The following KLHL13 variants were observed in gnomAD, a reference collection of about 807,000 sequenced individuals.
KLHL13 encodes kelch-like protein 13.
KLHL13 carries 10 observed loss-of-function variants against 37.1 expected under a neutral mutation model. The ratio of observed to expected loss-of-function variants is 0.27; its 90% CI spans 0.17 to 0.46. KLHL13 has a LOEUF of 0.46. KLHL13 is among the 20% of genes least tolerant of loss of function. The pLI, the probability that KLHL13 is intolerant of heterozygous loss-of-function variation, is 1.00. For missense variants in KLHL13, 360 were observed against 509.3 expected, an observed-to-expected ratio of 0.71 and a Z score of 2.82; for synonymous variants, 163 against 181.2, an observed-to-expected ratio of 0.90 and a Z score of 0.81.
chrX:118,087,789 G>T (rs1366664062), intron 1 of KLHL13, among the ~76,000 whole-genome samples: 1 of 111,411 alleles, frequency 9.0e-6, no homozygotes, highest in African/African-American at 3.3e-5. Context: ...TTCTAGGTCT[G>T]ATTCTTCCCT....
At chrX:118,004,664 A>G (rs949454184) in intron 1 of KLHL13, among the ~76,000 whole-genome samples, 3 of 112,477 alleles carry the variant, frequency 2.7e-5, no homozygotes, top group African/African-American at 9.7e-5. Flanking sequence ...TGAAAGTCTG[A>G]TAAGGGATAA....
chrX:118,081,047 G>T (rs758936285), intron 1 of KLHL13, among the ~76,000 whole-genome samples: 2 of 111,470 alleles, frequency 1.8e-5, no homozygotes, highest in South Asian at 7.6e-4. Flanking sequence ...ACTTAGAAGT[G>T]GGAGCTAAAC....
chrX:118,057,856 T>C (rs1222333426), intron 1 of KLHL13, among the ~76,000 whole-genome samples: 1 of 109,010 alleles, frequency 9.2e-6, no homozygotes, highest in Non-Finnish European at 1.9e-5. Flanking sequence ...TCCTACAGAA[T>C]AGGAGAAAAT....
chrX:118,009,234 T>G (rs2054026919), intron 1 of KLHL13, among the ~76,000 whole-genome samples: 1 of 96,067 alleles, frequency 1.0e-5, no homozygotes, highest in Non-Finnish European at 2.1e-5. Context: ...TCTTTTGCTG[T>G]GCAGAAGCTC....
At chrX:118,061,592 T>C (rs1424952781) in intron 1 of KLHL13, among the ~76,000 whole-genome samples, 1 of 112,009 alleles carries the variant, frequency 8.9e-6, no homozygotes, top group Non-Finnish European at 1.9e-5. Flanking sequence ...CTAAATTATA[T>C]ATCCACTCTA....
In KLHL13 at chrX:117,969,741, G is replaced by A. The variant is rs181621611; in HGVS notation, c.98+2990C>T. Among the ~76,000 whole-genome samples the A allele has an allele frequency of 1.5e-3, 163 of 111,636 alleles. 1 individual carries two copies. Among genetic ancestry groups the A allele is most frequent in the African/African-American group, 5.1e-3 (156 of 30,827 alleles). On this transcript the variant is annotated intron_variant, in intron 1 of 6. Coordinates refer to ENST00000262820, the Ensembl canonical transcript of KLHL13. ...GAAGTATTATTTTCCTGAATCTTTCGTATTTAAGATATCCCACTTTTCTAG... is the reference window on the plus strand; with the variant it reads ...GAAGTATTATTTTCCTGAATCTTTCATATTTAAGATATCCCACTTTTCTAG...
At chrX:118,018,339 T>A (rs2054152184) in intron 1 of KLHL13, among the ~76,000 whole-genome samples, 1 of 111,910 alleles carries the variant, frequency 8.9e-6, no homozygotes, top group Non-Finnish European at 1.9e-5. Context: ...AACTCATCAC[T>A]TTTCATCATG....
intron 1 of KLHL13, among the ~76,000 whole-genome samples, chrX:118,103,189 T>G (rs2055309205): frequency 8.9e-6 from 1 of 111,810 alleles, no homozygotes; most frequent in Non-Finnish European, 1.9e-5. Context: ...ATGTCAACTG[T>G]TGAGCTTAGT....
intron 1 of KLHL13, among the ~76,000 whole-genome samples, chrX:118,073,671 T>G (rs2054897591): frequency 8.9e-6 from 1 of 112,267 alleles, no homozygotes; most frequent in Non-Finnish European, 1.9e-5. Context: ...GGAATAATTT[T>G]GAAAGTTGTG....
At chrX:118,090,145 G>C (rs1253835582) in intron 1 of KLHL13, among the ~76,000 whole-genome samples, 1 of 108,549 alleles carries the variant, frequency 9.2e-6, no homozygotes, top group East Asian at 2.9e-4. Flanking sequence ...ATTCAAGATG[G>C]ATTAAAGACT....
intron 1 of KLHL13, chrX:117,972,596 A>C: frequency 2.1e-6 from 1 of 472,762 alleles, no homozygotes; most frequent in Non-Finnish European, 3.6e-6. Flanking sequence ...ACATCTTTAA[A>C]TGTAAGCAAG....
At chrX:118,032,863 T>C (rs1207559257) in intron 1 of KLHL13, among the ~76,000 whole-genome samples, 1 of 111,011 alleles carries the variant, frequency 9.0e-6, no homozygotes, top group Non-Finnish European at 1.9e-5. Context: ...GAAGAATGTA[T>C]AACTAGAATA....
At chrX:118,039,036 C>T (rs995822301) in intron 1 of KLHL13, among the ~76,000 whole-genome samples, 3 of 112,370 alleles carry the variant, frequency 2.7e-5, no homozygotes, top group Non-Finnish European at 5.6e-5. Context: ...GACATTTCTA[C>T]AGACACCCTG....
At chrX:118,031,735 G>A (rs981167662) in intron 1 of KLHL13, among the ~76,000 whole-genome samples, 2 of 104,815 alleles carry the variant, frequency 1.9e-5, no homozygotes, top group East Asian at 5.9e-4. Flanking sequence ...TTAGCGGAGG[G>A]AGCCAAGATG....
intron 1 of KLHL13, among the ~76,000 whole-genome samples, chrX:118,074,317 C>T (rs1367215402): frequency 8.9e-6 from 1 of 111,863 alleles, no homozygotes; most frequent in Non-Finnish European, 1.9e-5. Context: ...TCTTTTAATG[C>T]ATATTTATGA....
Position 118,116,495 on chromosome X carries a change from G to A in KLHL13, c.-56+13C>T, listed in dbSNP as rs1413221394. On this transcript the variant is annotated intron_variant, in intron 1 of 6. Coordinates refer to the KLHL13 transcript ENST00000371882. ...GCTGCTGGAGCCCCTGTGACTTCAG[G>A]ACCCTGCCTCACCTTGCTCGCCGCG... is the stretch of plus-strand genomic sequence containing the variant. The A allele has an allele frequency of 1.8e-5, 2 of 112,987 alleles. No homozygotes were observed. The highest frequency in any genetic ancestry group is 3.2e-5 in the African/African-American group (1 of 31,148). The allele number at this position is 112,987 out of a possible 1,213,427, so 9.3% of individuals were successfully genotyped here.
chrX:118,022,731 T>C (rs533462774), intron 1 of KLHL13, among the ~76,000 whole-genome samples: 19 of 112,501 alleles, frequency 1.7e-4, no homozygotes, highest in Admixed American at 5.7e-4. Context: ...TATGTTAAGA[T>C]ATTAACCCTC....
intron 1 of KLHL13, among the ~76,000 whole-genome samples, chrX:118,103,006 G>T (rs927300129): frequency 1.8e-5 from 2 of 112,026 alleles, no homozygotes; most frequent in East Asian, 5.6e-4. Flanking sequence ...AATTTGGCTT[G>T]TCTTAAATGA....
At chrX:117,935,452 T>C (rs1376177899) in intron 2 of KLHL13, among the ~76,000 whole-genome samples, 1 of 112,131 alleles carries the variant, frequency 8.9e-6, no homozygotes, top group Non-Finnish European at 1.9e-5. Context: ...GCTGTATTAA[T>C]CCATTCTCAC....
Sources: allele counts gnomAD v4.1 joint callset (sites outside exome capture counted in the v4.1 genomes callset), GRCh38; gene constraint gnomAD v4.1.1; transcripts MANE v1.5; gene names NCBI Gene and HGNC (gene_info 2026-07-23, HGNC 2026-07-21).